The following CCNJL variants were observed in gnomAD, a reference collection of about 807,000 sequenced individuals.
The protein encoded by CCNJL is cyclin J like, also known as cyclin-J-like protein.
CCNJL carries 33 observed loss-of-function variants against 33.4 expected under a neutral mutation model. The observed-to-expected ratio is 0.99, with a 90% CI of 0.75 to 1.32. The LOEUF (loss-of-function observed/expected upper bound fraction) is 1.32, where lower values mean the gene tolerates loss of function less well. Among genes scored for constraint, CCNJL ranks in the 40% most tolerant of loss-of-function variants. CCNJL has a pLI of 0.00. For synonymous variants in CCNJL, 227 were observed against 220.9 expected (o/e 1.03, Z -0.24); for missense variants, 512 against 499.7 (o/e 1.02, Z -0.23).
chr5:160,284,417 T>G (rs1762340686), intron 2 of CCNJL, among the ~76,000 whole-genome samples: 2 of 150,756 alleles, frequency 1.3e-5, no homozygotes, highest in African/African-American at 4.9e-5. Flanking sequence ...TCAATAAAGC[T>G]GCTATAAAAA....
At chr5:160,310,454 C>T (rs1159381901) in intron 2 of CCNJL, among the ~76,000 whole-genome samples, 1 of 152,200 alleles carries the variant, frequency 6.6e-6, no homozygotes, top group Non-Finnish European at 1.5e-5. Context: ...AAGACAGCTA[C>T]TCAATGAGGT....
intron 2 of CCNJL, among the ~76,000 whole-genome samples, chr5:160,286,032 A>G (rs1250494941): frequency 6.6e-6 from 1 of 152,204 alleles, no homozygotes; most frequent in Non-Finnish European, 1.5e-5. Flanking sequence ...CATGACAAGC[A>G]GCAGCCACAG....
intron 1 of CCNJL, among the ~76,000 whole-genome samples, chr5:160,327,410 G>A (rs1763551380): frequency 6.6e-6 from 1 of 152,246 alleles, no homozygotes; most frequent in African/African-American, 2.4e-5. Flanking sequence ...GGAGCAGGCA[G>A]CAGACACCAC....
chr5:160,304,884 G>A (rs1763042170), intron 2 of CCNJL, among the ~76,000 whole-genome samples: 1 of 151,490 alleles, frequency 6.6e-6, no homozygotes, highest in African/African-American at 2.4e-5. Context: ...CGTGATCTCA[G>A]CTCACTGCAA....
intron 1 of CCNJL, among the ~76,000 whole-genome samples, chr5:160,336,557 T>A (rs1763686029): frequency 6.6e-6 from 1 of 152,252 alleles, no homozygotes; most frequent in African/African-American, 2.4e-5. Context: ...GTTCCAGAAC[T>A]GTGGGAGAAT....
rs1418766700 is a variant in CCNJL, at chr5:160,249,207, T to C, written c.*4171A>G. ...ACTTAATTACATCCAGAAAGGACAC[T>C]TGCATGCTAGTTTATCTATGGTCAG... is the stretch of plus-strand genomic sequence containing the variant. On this transcript the variant is annotated 3_prime_UTR_variant, in exon 6 of 6. Transcript: ENST00000257536. 2.0e-5 allele frequency: 3 copies of C among 152,228 alleles called. No homozygotes were observed. The highest frequency in any genetic ancestry group is 4.4e-5 in the Non-Finnish European group (3 of 68,046). The allele number at this position is 152,228 out of a possible 1,614,324, so 9.4% of individuals were successfully genotyped here.
chr5:160,271,028 A>C (rs1158607678), intron 3 of CCNJL, among the ~76,000 whole-genome samples: 1 of 152,228 alleles, frequency 6.6e-6, no homozygotes, highest in Non-Finnish European at 1.5e-5. Context: ...CAATGCTTGT[A>C]ATTAAAATTA....
chr5:160,313,172 C>T (rs1436791181), upstream of CCNJL, among the ~76,000 whole-genome samples: 1 of 152,038 alleles, frequency 6.6e-6, no homozygotes, highest in Admixed American at 6.5e-5. Flanking sequence ...TTGCCGGGTC[C>T]GGTGGATGGA....
chr5:160,303,700 C>G (rs200864842), intron 2 of CCNJL, among the ~76,000 whole-genome samples: 153 of 104,300 alleles, frequency 1.5e-3, no homozygotes, highest in Non-Finnish European at 2.0e-3. Flanking sequence ...CTCTGTGTGT[C>G]TGTGTGTGTG....
chr5:160,319,597 G>A (rs894416545), intron 1 of CCNJL, among the ~76,000 whole-genome samples: 2 of 152,078 alleles, frequency 1.3e-5, no homozygotes, highest in African/African-American at 2.4e-5. Context: ...CTAGCCCAGT[G>A]CCTGCAGTAA....
intron 2 of CCNJL, chr5:160,281,513 T>C (rs1417210143): frequency 1.3e-5 from 2 of 152,314 alleles, no homozygotes; most frequent in Non-Finnish European, 2.9e-5. Context: ...CATTACCTTA[T>C]TTTATTTGTC....
chr5:160,278,497 T>C (rs1036938222), intron 3 of CCNJL, among the ~76,000 whole-genome samples: 3 of 152,268 alleles, frequency 2.0e-5, no homozygotes, highest in African/African-American at 4.8e-5. Context: ...CAGGCTGTCA[T>C]GGAAACTTTT....
At chr5:160,330,285 A>T (rs73819830) in intron 1 of CCNJL, among the ~76,000 whole-genome samples, 5,018 of 152,218 alleles carry the variant, frequency 0.033, 263 homozygotes, top group African/African-American at 0.11. Flanking sequence ...CCAGACCAAT[A>T]AAATAAAATT....
chr5:160,315,305 GC>G, upstream of CCNJL: 1 of 78,996 alleles, frequency 1.3e-5, no homozygotes, highest in South Asian at 2.8e-4. Context: ...GCAAGATCCC[GC>G]CCCCGCCCCC....
intron 2 of CCNJL, among the ~76,000 whole-genome samples, chr5:160,305,049 C>T (rs879558128): frequency 2.6e-4 from 40 of 152,070 alleles, no homozygotes; most frequent in Admixed American, 1.7e-3. Flanking sequence ...CTCTTGACCT[C>T]GTGAACCGCT....
chr5:160,312,770 C>T (rs942675696), upstream of CCNJL: 7 of 152,164 alleles, frequency 4.6e-5, no homozygotes, highest in African/African-American at 7.2e-5. Context: ...TGGTAGCCTT[C>T]TGGGCACCCC....
At chr5:160,315,446 G>A, upstream of CCNJL, 1 of 449,442 alleles carries the variant, frequency 2.2e-6, no homozygotes, top group Non-Finnish European at 4.5e-6. Flanking sequence ...GGTTGAGGCA[G>A]CAGTGAGCCG....
At chr5:160,323,806 A>C (rs945255188) in intron 1 of CCNJL, among the ~76,000 whole-genome samples, 1 of 152,242 alleles carries the variant, frequency 6.6e-6, no homozygotes, top group Non-Finnish European at 1.5e-5. Context: ...AGTCAGTTGA[A>C]GACCTGAATA....
At chr5:160,303,076 A>T (rs996156919) in intron 2 of CCNJL, among the ~76,000 whole-genome samples, 1 of 152,194 alleles carries the variant, frequency 6.6e-6, no homozygotes, top group Non-Finnish European at 1.5e-5. Context: ...TATCTGTTCT[A>T]AACAAACAAT....
Sources: gnomAD v4.1 joint callset for allele counts (sites outside exome capture counted in the v4.1 genomes callset) on GRCh38, gnomAD v4.1.1 for gene constraint, MANE v1.5 for transcripts, NCBI Gene and HGNC (gene_info 2026-07-23, HGNC 2026-07-21) for gene names.